Variants in PHACTR2 observed in about 807,000 individuals in gnomAD.
The protein encoded by PHACTR2 is phosphatase and actin regulator 2.
In PHACTR2, 30 loss-of-function variants were observed where a neutral mutation model predicts 76.0. That is an observed-to-expected ratio of 0.39 (90% CI 0.30 to 0.54). The LOEUF is 0.54. PHACTR2 is among the 20% of genes least tolerant of loss of function. The pLI is 0.61. For missense variants in PHACTR2, 696 were observed against 781.1 expected, an observed-to-expected ratio of 0.89 and a Z score of 1.30; for synonymous variants, 292 against 292.5, an observed-to-expected ratio of 1.00 and a Z score of 0.02.
In PHACTR2 at chr6:143,774,389, C is replaced by T. The variant is rs557986820; in HGVS notation, c.1589+174C>T. ...CACTCGAAGAACCTGTCCTTTGGCC[C>T]AGCTAGCCAGTGGCTTTGAGGTCAC... On this transcript the variant is annotated intron_variant, in intron 8 of 12. Coordinates refer to ENST00000440869, the MANE Select transcript of PHACTR2 (RefSeq NM_001100164.2). The surrounding 1 kb of genome is among the most constrained non-coding windows in gnomAD (Gnocchi z 5.4). Among the ~76,000 whole-genome samples, 1 of 152,132 alleles carries T rather than the reference C, an allele frequency of 6.6e-6. No individual in the cohort carries two copies. The highest frequency in any genetic ancestry group is 1.5e-5 in the Non-Finnish European group (1 of 68,030).
In PHACTR2 at chr6:143,770,150, G is replaced by A. The variant is rs566626752; in HGVS notation, c.1233-2108G>A. ...ACAAAATGTGTTATATACATAGAGT[G>A]GAATATCATTCAGCCTTAAAAAGGA... On this transcript the variant is annotated intron_variant, in intron 6 of 12. Coordinates refer to ENST00000440869, the MANE Select transcript of PHACTR2 (RefSeq NM_001100164.2). Among the ~76,000 whole-genome samples the A allele has an allele frequency of 9.2e-5, 14 of 152,234 alleles. No individual in the cohort carries two copies. The South Asian group carries it at 1.4e-3, about 16-fold the overall frequency.
intron 6 of PHACTR2, among the ~76,000 whole-genome samples, chr6:143,769,637 C>T (rs1775043324): frequency 6.6e-6 from 1 of 151,990 alleles, no homozygotes; most frequent in Admixed American, 6.6e-5. Context: ...GTATGCTGGA[C>T]TCTTTGAAAA....
rs952251437 is a variant in PHACTR2, at chr6:143,647,674, A to G, written c.13+39352A>G. 6.6e-6 allele frequency among the ~76,000 whole-genome samples: 1 copy of G among 152,218 alleles called. No homozygotes were observed. Among genetic ancestry groups the G allele is most frequent in the African/African-American group, 2.4e-5 (1 of 41,450 alleles). ...CCGTGAGGATTTGTTAGCTGAAAGG[A>G]AACCTTGGTTGAAGTGAGGGAGGAG... is the stretch of plus-strand genomic sequence containing the variant. On this transcript the variant is annotated intron_variant, in intron 1 of 11. Transcript: ENST00000305766. The surrounding 1 kb of genome is among the most constrained non-coding windows in gnomAD (Gnocchi z 4.2).
Position 143,598,006 on chromosome 6 carries a change from G to C in PHACTR2, c.217+60799G>C, listed in dbSNP as rs1012935049. Among the ~76,000 whole-genome samples, 1 of 152,086 alleles carries C rather than the reference G, an allele frequency of 6.6e-6. No homozygotes were observed. Among genetic ancestry groups the C allele is most frequent in the Non-Finnish European group, 1.5e-5 (1 of 68,038 alleles). ...TTGGCTGTTTCTGAGCCTGTTCCTGGGGAGAGGCAACTTTAGTTAAGGTGA... is the reference window on the plus strand; with the variant it reads ...TTGGCTGTTTCTGAGCCTGTTCCTGCGGAGAGGCAACTTTAGTTAAGGTGA... On this transcript the variant is annotated intron_variant, in intron 1 of 11. Coordinates refer to the PHACTR2 transcript ENST00000367584. The surrounding 1 kb of genome is among the most constrained non-coding windows in gnomAD (Gnocchi z 4.1).
rs1012039567 is a variant in PHACTR2, at chr6:143,684,608, T to C, written c.46+6399T>C. Reference sequence around the variant, plus strand: ...TCTCAAAGAGGCTTTCTCAGTGTTATCTGCTTATTATATGAGAATTTCTGT... The same window carrying C: ...TCTCAAAGAGGCTTTCTCAGTGTTACCTGCTTATTATATGAGAATTTCTGT... On this transcript the variant is annotated intron_variant, in intron 1 of 12. Coordinates refer to ENST00000440869, the MANE Select transcript of PHACTR2 (RefSeq NM_001100164.2). This position sits in a 1 kb window ranked among gnomAD's most constrained non-coding sequence, Gnocchi z 4.3. Among the ~76,000 whole-genome samples the C allele has an allele frequency of 6.6e-6, 1 of 152,240 alleles. No homozygotes were observed. Among genetic ancestry groups the C allele is most frequent in the African/African-American group, 2.4e-5 (1 of 41,468 alleles).
At position 143,809,383 on chromosome 6, in the gene PHACTR2, G is replaced by GT. The variant is rs1006252490; in HGVS notation, c.1922+2257dup. Among the ~76,000 whole-genome samples, 1 of 151,810 alleles carries GT rather than the reference G, an allele frequency of 6.6e-6. No individual in the cohort carries two copies. ...TGTTTTTTTGTTTGTTTGTTTGTTT[G>GT]TTTTTTTAGTAGAGATGAGGTCTTG... On this transcript the variant is annotated intron_variant, in intron 12 of 12. Transcript: ENST00000440869. This position sits in a 1 kb window ranked among gnomAD's most constrained non-coding sequence, Gnocchi z 4.2.
Position 143,689,979 on chromosome 6 carries a change from G to A in PHACTR2, c.46+11770G>A, listed in dbSNP as rs1296543077. On this transcript the variant is annotated intron_variant, in intron 1 of 12. Transcript: ENST00000440869. This position sits in a 1 kb window ranked among gnomAD's most constrained non-coding sequence, Gnocchi z 4.4. Reference sequence around the variant, plus strand: ...CCCAAAATGCTGGGATTACCCGTGTGAGCCACTGTGCCCAGCCCCAACATT... The same window carrying A: ...CCCAAAATGCTGGGATTACCCGTGTAAGCCACTGTGCCCAGCCCCAACATT... Among the ~76,000 whole-genome samples the A allele has an allele frequency of 6.6e-6, 1 of 152,200 alleles. No individual in the cohort carries two copies. The highest frequency in any genetic ancestry group is 2.4e-5 in the African/African-American group (1 of 41,446).
rs1224674351 is a variant in PHACTR2, at chr6:143,730,678, ATATCC to A, written c.215-18306_215-18302del. ...ATAGTAAACAGCAGTGTTGAAGGAG[ATATCC>A]ATGCTTTGTTCCTATTCTTAGGGGG... On this transcript the variant is annotated intron_variant, in intron 2 of 12. Coordinates refer to ENST00000440869, the MANE Select transcript of PHACTR2 (RefSeq NM_001100164.2). This position sits in a 1 kb window ranked among gnomAD's most constrained non-coding sequence, Gnocchi z 4.8. Among the ~76,000 whole-genome samples the A allele has an allele frequency of 2.6e-5, 4 of 152,126 alleles. No individual in the cohort carries two copies. The East Asian group carries it at 7.7e-4, about 29-fold the overall frequency.
rs913330464 is a variant in PHACTR2, at chr6:143,618,412, G to A, written c.13+10090G>A. Among the ~76,000 whole-genome samples, 1 of 152,058 alleles carries A rather than the reference G, an allele frequency of 6.6e-6. No homozygotes were observed. The highest frequency in any genetic ancestry group is 1.5e-5 in the Non-Finnish European group (1 of 68,000). On this transcript the variant is annotated intron_variant, in intron 1 of 11. Transcript: ENST00000305766. The surrounding 1 kb of genome is among the most constrained non-coding windows in gnomAD (Gnocchi z 5.2). The stretch of plus-strand genomic sequence containing the variant: ...TAATAAATGGTGTTTTTTACAACAT[G>A]GTTAATATATGCTTTCTAATAGAAA...
intron 1 of PHACTR2, among the ~76,000 whole-genome samples, chr6:143,586,669 G>C (rs1775632866): frequency 1.3e-5 from 2 of 152,208 alleles, no homozygotes; most frequent in Admixed American, 1.3e-4. Flanking sequence ...TTAAAAGGCG[G>C]TTTATGCAGA....
At chr6:143,720,053 T>A (rs575378897) in intron 2 of PHACTR2, among the ~76,000 whole-genome samples, 1 of 151,934 alleles carries the variant, frequency 6.6e-6, no homozygotes, top group Non-Finnish European at 1.5e-5. Flanking sequence ...CTCAGGTGAT[T>A]CACCCACCTA....
rs1775278311 is a variant in PHACTR2 at position 143,776,627 on chromosome 6, C to T, written c.1590-701C>T. 6.6e-6 allele frequency among the ~76,000 whole-genome samples: 1 copy of T among 151,828 alleles called. No individual in the cohort carries two copies. The highest frequency in any genetic ancestry group is 1.5e-5 in the Non-Finnish European group (1 of 67,972). On this transcript the variant is annotated intron_variant, in intron 8 of 12. Transcript: ENST00000440869. The surrounding 1 kb of genome is among the most constrained non-coding windows in gnomAD (Gnocchi z 5.3). The stretch of plus-strand genomic sequence containing the variant: ...AGCAGCCTCAGCCATGATCTGTAGG[C>T]CCACACATACCTGGTTTGAACCACT...
Position 143,823,747 on chromosome 6 carries a change from C to T in PHACTR2, c.*58C>T, listed in dbSNP as rs1420575932. 3.5e-5 allele frequency: 47 copies of T among 1,337,148 alleles called. No individual in the cohort carries two copies. The Admixed American group carries it at 5.2e-4, about 15-fold the overall frequency. The allele number at this position is 1,337,148 out of a possible 1,614,324, so 82.8% of individuals were successfully genotyped here. On this transcript the variant is annotated 3_prime_UTR_variant, in exon 13 of 13. Transcript: ENST00000440869. This position sits in a 1 kb window ranked among gnomAD's most constrained non-coding sequence, Gnocchi z 5.7. Reference sequence around the variant, plus strand: ...ATCATCTTTGGGGGAAGCCCTGCTTCCTGAAAACCTGATATTGCACTGGGA... The same window carrying T: ...ATCATCTTTGGGGGAAGCCCTGCTTTCTGAAAACCTGATATTGCACTGGGA...
rs1179668999 is a variant in PHACTR2 at position 143,738,888 on chromosome 6, C to T, written c.215-10097C>T. ...GTTGACTGATGAAATGAGATATTAT[C>T]CCATCTTGATCAAAGGTGTTGAGTC... On this transcript the variant is annotated intron_variant, in intron 2 of 12. Coordinates refer to ENST00000440869, the MANE Select transcript of PHACTR2 (RefSeq NM_001100164.2). The surrounding 1 kb of genome is among the most constrained non-coding windows in gnomAD (Gnocchi z 4.0). Among the ~76,000 whole-genome samples, 1 of 152,082 alleles carries T rather than the reference C, an allele frequency of 6.6e-6. No homozygotes were observed. Among genetic ancestry groups the T allele is most frequent in the Non-Finnish European group, 1.5e-5 (1 of 68,030 alleles).
intron 1 of PHACTR2, among the ~76,000 whole-genome samples, chr6:143,563,712 C>T (rs1310620893): frequency 6.6e-6 from 1 of 151,696 alleles, no homozygotes; most frequent in Admixed American, 6.6e-5. Flanking sequence ...TATATTTATT[C>T]TGGCTGCGCA....
At position 143,547,282 on chromosome 6, in the gene PHACTR2, A is replaced by G. The variant is rs1015440217; in HGVS notation, c.217+10075A>G. Among the ~76,000 whole-genome samples the G allele has an allele frequency of 2.6e-5, 4 of 152,218 alleles. No individual in the cohort carries two copies. Among genetic ancestry groups the G allele is most frequent in the South Asian group, 2.1e-4 (1 of 4,836 alleles). On this transcript the variant is annotated intron_variant, in intron 1 of 11. Coordinates refer to the PHACTR2 transcript ENST00000367584. This position sits in a 1 kb window ranked among gnomAD's most constrained non-coding sequence, Gnocchi z 4.2. Reference sequence around the variant, plus strand: ...AAAATCATGTCTACATTTGAGTGACATAGATGTACTGTCACTGAGGAAGAT... The same window carrying G: ...AAAATCATGTCTACATTTGAGTGACGTAGATGTACTGTCACTGAGGAAGAT...
rs573852265 is a variant in PHACTR2 at position 143,646,521 on chromosome 6, C to A, written c.13+38199C>A. 2.0e-5 allele frequency among the ~76,000 whole-genome samples: 3 copies of A among 152,184 alleles called. No individual in the cohort carries two copies. Among genetic ancestry groups the A allele is most frequent in the East Asian group, 1.9e-4 (1 of 5,188 alleles). ...AATATGATGACTACTTAGACATAAC[C>A]TGATCCTTCAAATATAACTGAAAAA... is the stretch of plus-strand genomic sequence containing the variant. On this transcript the variant is annotated intron_variant, in intron 1 of 11. Transcript: ENST00000305766. This position sits in a 1 kb window ranked among gnomAD's most constrained non-coding sequence, Gnocchi z 4.1.
chr6:143,771,131 C>CAT (rs199629350), intron 6 of PHACTR2, among the ~76,000 whole-genome samples: 1,105 of 71,236 alleles, frequency 0.016, 23 homozygotes, highest in Non-Finnish European at 0.023. Flanking sequence ...ATGTACTTTA[C>CAT]ATATATATAT....
rs1171900311 is a variant in PHACTR2 at position 143,589,043 on chromosome 6, A to G, written c.217+51836A>G. ...GTATGAGTTTGCTAGAGCTGCCACA[A>G]CAAAATGCCACAGATTGGGTGGCTT... On this transcript the variant is annotated intron_variant, in intron 1 of 11. Coordinates refer to the PHACTR2 transcript ENST00000367584. The surrounding 1 kb of genome is among the most constrained non-coding windows in gnomAD (Gnocchi z 4.4). Among the ~76,000 whole-genome samples, 2 of 152,242 alleles carry G rather than the reference A, an allele frequency of 1.3e-5. No homozygotes were observed. Among genetic ancestry groups the G allele is most frequent in the African/African-American group, 4.8e-5 (2 of 41,480 alleles).
Sources: gnomAD v4.1 joint callset for allele counts (sites outside exome capture counted in the v4.1 genomes callset) on GRCh38, gnomAD v4.1.1 for gene constraint, Gnocchi (gnomAD v3.1) non-coding constraint, MANE v1.5 for transcripts, NCBI Gene and HGNC (gene_info 2026-07-23, HGNC 2026-07-21) for gene names.